INPP4A: variants seen among roughly 807,000 people sequenced by gnomAD.
The protein encoded by INPP4A is inositol polyphosphate-4-phosphatase type I A.
A neutral mutation model predicts 119.8 loss-of-function variants in INPP4A; 33 were observed. The observed-to-expected ratio is 0.28, with a 90% CI of 0.21 to 0.37. INPP4A has a LOEUF of 0.37. Among genes scored for constraint, INPP4A ranks in the 10% least tolerant of loss-of-function variants. INPP4A has a pLI of 1.00. For synonymous variants in INPP4A, 496 were observed against 500.7 expected, an observed-to-expected ratio of 0.99 and a Z score of 0.12; for missense variants, 956 against 1,289.9, an observed-to-expected ratio of 0.74 and a Z score of 3.97.
chr2:98,557,247 G>A (rs1004187670), intron 16 of INPP4A, among the ~76,000 whole-genome samples: 6 of 152,162 alleles, frequency 3.9e-5, no homozygotes, highest in Admixed American at 2.0e-4. Flanking sequence ...ACTTGCGTGT[G>A]CCATAAAAAT....
intron 1 of INPP4A, among the ~76,000 whole-genome samples, chr2:98,517,491 C>T (rs1402593541): frequency 1.3e-5 from 2 of 152,258 alleles, no homozygotes; most frequent in East Asian, 1.9e-4. Flanking sequence ...CCAGTTACTC[C>T]ACGTCCTCAT....
chr2:98,537,932 A>C lies in INPP4A; in HGVS notation c.537A>C (p.Gln179His), dbSNP rs200022842. The C allele has an allele frequency of 1.2e-4, 196 of 1,613,112 alleles. No individual in the cohort carries two copies. The African/African-American group carries it at 2.2e-3, about 18-fold the overall frequency. Residue 179 changes from glutamine to histidine, a missense_variant, in exon 8 of 25, where the codon CAA (glutamine) becomes CAC (histidine). Transcript: ENST00000409851. The stretch of plus-strand genomic sequence containing the variant: ...GGCAGATGGAGGAGAAGTCAGACCA[A>C]CGGCCCCCTGTGACCCGGTCTGTGG... ...IGWQMEEKSD[Q>H]RPPVTRSVDT...
intron 5 of INPP4A, 149 bp downstream of exon 5, chr2:98,533,644 A>T: frequency 1.7e-6 from 1 of 591,024 alleles, no homozygotes; most frequent in Non-Finnish European, 3.1e-6. Context: ...GTACATTGAT[A>T]TTTTTCATCA....
At chr2:98,586,205 G>C (rs1699931646) in intron 24 of INPP4A, among the ~76,000 whole-genome samples, 1 of 152,116 alleles carries the variant, frequency 6.6e-6, no homozygotes, top group Non-Finnish European at 1.5e-5. Context: ...CAACAACCAG[G>C]TGGATACTTT....
chr2:98,523,859 C>G (rs2105791855), intron 4 of INPP4A, among the ~76,000 whole-genome samples: 1 of 152,256 alleles, frequency 6.6e-6, no homozygotes, highest in Non-Finnish European at 1.5e-5. Flanking sequence ...TGGTATATAT[C>G]CTTCCAAATA....
At position 98,593,665 on chromosome 2, in the gene INPP4A, C is replaced by A. The variant is rs1321288689; in HGVS notation, c.*6057C>A. The A allele has an allele frequency of 1.3e-5, 2 of 152,394 alleles. No individual in the cohort carries two copies. Among genetic ancestry groups the A allele is most frequent in the Non-Finnish European group, 2.9e-5 (2 of 68,178 alleles). 9.4% of individuals were successfully genotyped at this position (152,394 alleles called of 1,614,324 possible). A position where few individuals can be genotyped will look rare whatever the true frequency, so the allele number is the denominator to read the frequency against. On this transcript the variant is annotated 3_prime_UTR_variant, in exon 25 of 25. Transcript: ENST00000409851. ...AATACAGCATGCTCATGCCTCTCCT[C>A]CTCCAAGCTGGCTGAGTCTCCCTCT...
At chr2:98,516,064 T>C (rs929774731) in intron 1 of INPP4A, among the ~76,000 whole-genome samples, 9 of 152,302 alleles carry the variant, frequency 5.9e-5, no homozygotes, top group African/African-American at 2.2e-4. Flanking sequence ...ACATTCTGTC[T>C]CCTCTTCTGC....
At position 98,520,114 on chromosome 2, in the gene INPP4A, C is replaced by A; in HGVS notation, c.66C>A (p.Thr22=). ...ARARAMQRAS[T]IDVAADMLGL... is the part of the protein sequence containing the mutation. ...CCCGTGCAATGCAGCGGGCTTCCAC[C>A]ATCGACGTGGCGGCCGACATGCTGG... The change falls in exon 3 of 25, where the codon ACC becomes ACA. Residue 22 remains threonine, a synonymous_variant. Transcript: ENST00000409851. 1 of 1,570,776 alleles carries A rather than the reference C, an allele frequency of 6.4e-7. No homozygotes were observed. Among genetic ancestry groups the A allele is most frequent in the Non-Finnish European group, 8.6e-7 (1 of 1,156,782 alleles).
intron 1 of INPP4A, among the ~76,000 whole-genome samples, chr2:98,494,095 CTT>C (rs903791457): frequency 6.6e-6 from 1 of 152,218 alleles, no homozygotes; most frequent in African/African-American, 2.4e-5. Context: ...CCTTCCTTCT[CTT>C]TTCCCATCCG....
chr2:98,496,435 A>C (rs1315477559), intron 1 of INPP4A, among the ~76,000 whole-genome samples: 1 of 152,218 alleles, frequency 6.6e-6, no homozygotes, highest in East Asian at 1.9e-4. Flanking sequence ...AAGAAAACAT[A>C]GGTGAGGCGC....
At chr2:98,520,954 G>C (rs767448752) in intron 4 of INPP4A, 21 of 462,110 alleles carry the variant, frequency 4.5e-5, no homozygotes, top group Non-Finnish European at 7.6e-5. Context: ...CCTCAGCATG[G>C]GGCCCGCCCC....
chr2:98,533,615 A>G (rs1689663518), intron 5 of INPP4A, 120 bp downstream of exon 5: 2 of 656,672 alleles, frequency 3.0e-6, no homozygotes, highest in Non-Finnish European at 2.7e-6. Flanking sequence ...AGTTGTTGCT[A>G]TTTTCCCATG....
At chr2:98,563,755 C>A in intron 18 of INPP4A, 118 bp downstream of exon 18, 1 of 959,116 alleles carries the variant, frequency 1.0e-6, no homozygotes, top group South Asian at 1.5e-5. Flanking sequence ...GCCATATTTC[C>A]TCCTGGTGGT....
chr2:98,534,875 G>GGATGGTT (rs1689934161), intron 5 of INPP4A, among the ~76,000 whole-genome samples: 2 of 152,188 alleles, frequency 1.3e-5, no homozygotes, highest in African/African-American at 4.8e-5. Context: ...CATGATCACT[G>GGATGGTT]GATGGTTGAG....
At position 98,546,555 on chromosome 2, in the gene INPP4A, G is replaced by C; in HGVS notation, c.1055-31G>C. The C allele has an allele frequency of 2.6e-6, 4 of 1,528,922 alleles. No individual in the cohort carries two copies. The highest frequency in any genetic ancestry group is 3.6e-6 in the Non-Finnish European group (4 of 1,103,332). The allele number at this position is 1,528,922 out of a possible 1,614,324, so 94.7% of individuals were successfully genotyped here. A position where few individuals can be genotyped will look rare whatever the true frequency, so the allele number is the denominator to read the frequency against. ...TGGCTTGTCCACAGGCCTGAGCCCAGAGTAATGGAGGAGAGCTTTCTGTCA... is the reference window on the plus strand; with the variant it reads ...TGGCTTGTCCACAGGCCTGAGCCCACAGTAATGGAGGAGAGCTTTCTGTCA... On this transcript the variant is annotated intron_variant, in intron 12 of 24. Transcript: ENST00000409851. This position sits in a 1 kb window ranked among gnomAD's most constrained non-coding sequence, Gnocchi z 4.2.
intron 1 of INPP4A, among the ~76,000 whole-genome samples, chr2:98,471,364 G>A (rs943458685): frequency 9.2e-5 from 14 of 152,172 alleles, no homozygotes; most frequent in Admixed American, 3.9e-4. Context: ...TTTGTACTTG[G>A]CAATCTCGCA....
Position 98,537,828 on chromosome 2 carries a change from C to G in INPP4A, c.468-35C>G, listed in dbSNP as rs778579170. The stretch of plus-strand genomic sequence containing the variant: ...TTTCAGCAGAAAAGAAGCACAGTTG[C>G]AGCACCACTCATTAAAGCATGTTGT... On this transcript the variant is annotated intron_variant, in intron 7 of 24. Transcript: ENST00000409851. 1.4e-5 allele frequency: 20 copies of G among 1,455,346 alleles called. No homozygotes were observed. In the South Asian group the frequency reaches 1.7e-4, roughly 12 times the overall value. 90.2% of individuals were successfully genotyped at this position (1,455,346 alleles called of 1,614,324 possible).
At chr2:98,587,364 A>G in intron 24 of INPP4A, 112 bp from the exon 25 acceptor site, 1 of 1,163,646 alleles carries the variant, frequency 8.6e-7, no homozygotes, top group Non-Finnish European at 1.2e-6. Flanking sequence ...ACCCATTTAA[A>G]TTAATCTTTT....
In INPP4A at chr2:98,566,019, CT is replaced by C; in HGVS notation, c.2280-7del. On this transcript the variant is annotated splice_polypyrimidine_tract_variant and intron_variant, in intron 20 of 24. Coordinates refer to ENST00000409851, the MANE Select transcript of INPP4A (RefSeq NM_001134225.2). This position sits in a 1 kb window ranked among gnomAD's most constrained non-coding sequence, Gnocchi z 4.2. ...CTCACACTGCTCTCCCTCTCTCCAC[CT>C]TTCTCCAGCGACGGGTTTAACGTGC... 1 of 1,603,382 alleles carries C rather than the reference CT, an allele frequency of 6.2e-7. No homozygotes were observed.
Sources: allele counts gnomAD v4.1 joint callset (sites outside exome capture counted in the v4.1 genomes callset), GRCh38; gene constraint gnomAD v4.1.1; non-coding constraint Gnocchi (gnomAD v3.1); transcripts MANE v1.5; gene names NCBI Gene and HGNC (gene_info 2026-07-23, HGNC 2026-07-21).